Variants in RNF217 observed in about 807,000 individuals in gnomAD.
RNF217 encodes the protein E3 ubiquitin-protein ligase RNF217.
A neutral mutation model predicts 57.8 loss-of-function variants in RNF217; 31 were observed. That is an observed-to-expected ratio of 0.54 (90% CI 0.40 to 0.72). The LOEUF is 0.72. RNF217 is among the 30% of genes least tolerant of loss of function. The pLI, the probability that RNF217 is intolerant of heterozygous loss-of-function variation, is 0.00. For missense variants in RNF217, 696 were observed against 708.3 expected, an observed-to-expected ratio of 0.98 and a Z score of 0.20; for synonymous variants, 313 against 294.0, an observed-to-expected ratio of 1.06 and a Z score of -0.66.
intron 1 of RNF217, among the ~76,000 whole-genome samples, chr6:125,001,346 T>C (rs140751441): frequency 9.1e-4 from 138 of 152,292 alleles, no homozygotes; most frequent in African/African-American, 3.3e-3. Context: ...TTGAGGTCAG[T>C]AGTAAATGGA....
intron 1 of RNF217, among the ~76,000 whole-genome samples, chr6:125,000,943 T>C (rs190263435): frequency 2.0e-5 from 3 of 152,292 alleles, no homozygotes. Flanking sequence ...AGTATGGAAG[T>C]ATGATGTATG....
chr6:125,028,131 T>C (rs890978883), intron 1 of RNF217, among the ~76,000 whole-genome samples: 1 of 152,196 alleles, frequency 6.6e-6, no homozygotes, highest in Admixed American at 6.5e-5. Flanking sequence ...TTTAACTTAA[T>C]GTGATCCCAT....
rs543724363 is a variant in RNF217, at chr6:125,069,335, T to G, written c.1282-7322T>G. ...ATAGAAGCAGCTGTTTCTTATTCAT[T>G]TGGAGTTTTACACCTGATAATTACC... On this transcript the variant is annotated intron_variant, in intron 3 of 5. Transcript: ENST00000521654. Among the ~76,000 whole-genome samples, 3 of 152,298 alleles carry G rather than the reference T, an allele frequency of 2.0e-5. No individual in the cohort carries two copies. The South Asian group carries it at 6.2e-4, about 32-fold the overall frequency.
At chr6:125,030,239 G>C (rs1003885236) in intron 1 of RNF217, among the ~76,000 whole-genome samples, 1 of 152,144 alleles carries the variant, frequency 6.6e-6, no homozygotes, top group African/African-American at 2.4e-5. Context: ...TTCAGGTTGA[G>C]ATTTCAGTGG....
intron 2 of RNF217, among the ~76,000 whole-genome samples, chr6:125,049,337 T>C (rs1371070667): frequency 6.6e-6 from 1 of 152,052 alleles, no homozygotes; most frequent in Non-Finnish European, 1.5e-5. Context: ...TTCTAACTGG[T>C]CTCTGGGAGT....
intron 1 of RNF217, among the ~76,000 whole-genome samples, chr6:124,974,275 G>A (rs1202590491): frequency 6.6e-6 from 1 of 152,058 alleles, no homozygotes; most frequent in Non-Finnish European, 1.5e-5. Flanking sequence ...TCAAGAATGT[G>A]GTGAATTAGC....
At chr6:125,067,206 G>C (rs888335590) in intron 3 of RNF217, among the ~76,000 whole-genome samples, 2 of 152,324 alleles carry the variant, frequency 1.3e-5, no homozygotes, top group East Asian at 3.9e-4. Flanking sequence ...CTTAGCGTAA[G>C]GTTTATGCAA....
intron 1 of RNF217, among the ~76,000 whole-genome samples, chr6:125,034,671 C>A (rs867271109): frequency 2.0e-5 from 3 of 152,076 alleles, no homozygotes; most frequent in African/African-American, 7.2e-5. Flanking sequence ...ATTGGCTTGG[C>A]GATGCAGGCT....
intron 1 of RNF217, among the ~76,000 whole-genome samples, chr6:124,991,164 A>G (rs1784547030): frequency 6.6e-6 from 1 of 152,322 alleles, no homozygotes; most frequent in African/African-American, 2.4e-5. Context: ...TGTGTGATCC[A>G]TGACTCTGTT....
At chr6:125,001,088 A>G (rs1408136846) in intron 1 of RNF217, among the ~76,000 whole-genome samples, 1 of 152,184 alleles carries the variant, frequency 6.6e-6, no homozygotes, top group Non-Finnish European at 1.5e-5. Flanking sequence ...ATTAATTTTT[A>G]GATTGTTCTT....
At chr6:124,988,610 C>T (rs1582675061) in intron 1 of RNF217, among the ~76,000 whole-genome samples, 1 of 152,192 alleles carries the variant, frequency 6.6e-6, no homozygotes, top group East Asian at 1.9e-4. Flanking sequence ...ATTTGTCAAA[C>T]TAAGCCTTTT....
intron 1 of RNF217, among the ~76,000 whole-genome samples, chr6:125,001,394 C>G (rs566418569): frequency 2.6e-4 from 40 of 152,222 alleles, no homozygotes; most frequent in African/African-American, 9.6e-4. Context: ...AATTCGAGAA[C>G]GGTAGAATGA....
intron 5 of RNF217, chr6:125,082,663 A>G (rs1376314794): frequency 8.6e-6 from 13 of 1,520,388 alleles, no homozygotes; most frequent in Admixed American, 4.1e-5. Flanking sequence ...TTAAACTGGT[A>G]TCACTGAGGG....
intron 1 of RNF217, among the ~76,000 whole-genome samples, chr6:125,043,866 C>A (rs758909361): frequency 6.6e-6 from 1 of 151,978 alleles, no homozygotes; most frequent in Non-Finnish European, 1.5e-5. Context: ...ACAATTTATA[C>A]TTTTAACAGG....
intron 1 of RNF217, among the ~76,000 whole-genome samples, chr6:124,984,289 G>A (rs1284741706): frequency 6.6e-6 from 1 of 152,156 alleles, no homozygotes; most frequent in Non-Finnish European, 1.5e-5. Flanking sequence ...GCTCACGCCT[G>A]TAATTCCAGC....
intron 1 of RNF217, among the ~76,000 whole-genome samples, chr6:125,044,475 G>A (rs749234241): frequency 1.6e-4 from 25 of 152,044 alleles, no homozygotes; most frequent in Admixed American, 5.9e-4. Context: ...TAAATGTTGC[G>A]TTTTGATGTA....
intron 1 of RNF217, among the ~76,000 whole-genome samples, chr6:125,037,045 T>A (rs796294518): frequency 6.6e-6 from 1 of 151,348 alleles, no homozygotes; most frequent in African/African-American, 2.4e-5. Context: ...CTGATTTTTT[T>A]AATGGATATT....
At chr6:125,010,774 G>GTGCATTT (rs1744443664) in intron 1 of RNF217, among the ~76,000 whole-genome samples, 2 of 152,142 alleles carry the variant, frequency 1.3e-5, no homozygotes, top group Admixed American at 6.5e-5. Flanking sequence ...TGGGGTTCAT[G>GTGCATTT]TGCATTTAGT....
rs958307331 is a variant in RNF217 at position 125,056,660 on chromosome 6, T to C, written c.1117-1282T>C. Among the ~76,000 whole-genome samples the C allele has an allele frequency of 2.6e-5, 4 of 152,178 alleles. No individual in the cohort carries two copies. In the South Asian group the frequency reaches 8.3e-4, roughly 32 times the overall value. On this transcript the variant is annotated intron_variant, in intron 2 of 5. Coordinates refer to ENST00000521654, the MANE Select transcript of RNF217 (RefSeq NM_001286398.3). The stretch of plus-strand genomic sequence containing the variant: ...TGTTTTCCAAAAAGGAAATTCTAAC[T>C]AACCTTTAAAATGTAGTCAGTGAAT...
Sources: gnomAD v4.1 joint callset for allele counts (sites outside exome capture counted in the v4.1 genomes callset) on GRCh38, gnomAD v4.1.1 for gene constraint, MANE v1.5 for transcripts, NCBI Gene and HGNC (gene_info 2026-07-23, HGNC 2026-07-21) for gene names.